The following NINJ2 variants were observed in gnomAD, a reference collection of about 807,000 sequenced individuals.
NINJ2 encodes ninjurin 2.
Under a neutral mutation model 11.7 loss-of-function variants are expected in NINJ2, and 12 were observed. That is an observed-to-expected ratio of 1.02 (90% CI 0.66 to 1.66). The LOEUF is 1.66. Ranked by LOEUF, NINJ2 falls within the 40% of genes most tolerant of loss-of-function variation. The pLI is 0.00. For missense variants in NINJ2, 187 were observed against 181.8 expected, an observed-to-expected ratio of 1.03 and a Z score of -0.16; for synonymous variants, 93 against 76.8, an observed-to-expected ratio of 1.21 and a Z score of -1.10.
At chr12:647,000 G>T (rs1233864723) in intron 1 of NINJ2, among the ~76,000 whole-genome samples, 1 of 152,158 alleles carries the variant, frequency 6.6e-6, no homozygotes, top group African/African-American at 2.4e-5. Flanking sequence ...AAGCTTGGAG[G>T]TGATGCTGCA....
intron 1 of NINJ2, among the ~76,000 whole-genome samples, chr12:629,255 T>C (rs1024791164): frequency 2.0e-5 from 3 of 152,158 alleles, no homozygotes; most frequent in African/African-American, 2.4e-5. Flanking sequence ...TCATTTTACA[T>C]GTGGGAAAAC....
At chr12:659,392 C>A (rs968985821) in intron 1 of NINJ2, among the ~76,000 whole-genome samples, 1 of 152,140 alleles carries the variant, frequency 6.6e-6, no homozygotes, top group East Asian at 1.9e-4. Context: ...TGGGAAGGAG[C>A]CAGGCTAGGG....
chr12:656,518 GGT>G (rs1937875271), intron 1 of NINJ2, among the ~76,000 whole-genome samples: 1 of 151,430 alleles, frequency 6.6e-6, no homozygotes, highest in African/African-American at 2.4e-5. Context: ...TGGGAGGTAG[GGT>G]CTGGTGGATC....
chr12:584,945 C>G (rs914887033), intron 1 of NINJ2, among the ~76,000 whole-genome samples: 1 of 152,022 alleles, frequency 6.6e-6, no homozygotes, highest in African/African-American at 2.4e-5. Context: ...GGTGAAACCC[C>G]GTCTCTACTA....
intron 1 of NINJ2, among the ~76,000 whole-genome samples, chr12:625,443 T>C (rs1040136912): frequency 2.6e-5 from 4 of 152,186 alleles, no homozygotes; most frequent in African/African-American, 9.7e-5. Context: ...CTGAAGGTTT[T>C]TGAGTAGAGT....
At chr12:643,535 C>T in intron 1 of NINJ2, 1 of 988,138 alleles carries the variant, frequency 1.0e-6, no homozygotes, top group Non-Finnish European at 1.2e-6. Context: ...CTTAATCCTC[C>T]CAAGACCTGT....
chr12:649,042 ATTTTATCTTT>A (rs1937743166), intron 1 of NINJ2, among the ~76,000 whole-genome samples: 1 of 95,968 alleles, frequency 1.0e-5, no homozygotes, highest in South Asian at 3.7e-4. Context: ...ATCTCAAGTG[ATTTTATCTTT>A]TTCTTTTTTT....
Position 591,515 on chromosome 12 carries a change from T to A in NINJ2, c.34-25337A>T, listed in dbSNP as rs779002898. On this transcript the variant is annotated intron_variant, in intron 1 of 3. Coordinates refer to ENST00000305108, the MANE Select transcript of NINJ2 (RefSeq NM_016533.6). This position sits in a 1 kb window ranked among gnomAD's most constrained non-coding sequence, Gnocchi z 5.0. ...AGTGCTGATTCACCTACTAGGTTGG[T>A]CAGAGGGTTGGGGGCAACTCTGATT... Among the ~76,000 whole-genome samples the A allele has an allele frequency of 6.6e-6, 1 of 152,132 alleles. No individual in the cohort carries two copies. The highest frequency in any genetic ancestry group is 1.5e-5 in the Non-Finnish European group (1 of 68,028).
At chr12:584,200 T>C (rs1468588194) in intron 1 of NINJ2, among the ~76,000 whole-genome samples, 1 of 152,198 alleles carries the variant, frequency 6.6e-6, no homozygotes, top group Non-Finnish European at 1.5e-5. Flanking sequence ...TAAATGGTCC[T>C]TATCATTTTC....
chr12:625,354 G>A (rs1427739179), intron 1 of NINJ2, among the ~76,000 whole-genome samples: 2 of 152,102 alleles, frequency 1.3e-5, no homozygotes, highest in Non-Finnish European at 2.9e-5. Context: ...AGTAGACAGA[G>A]AGAAGGTCAG....
chr12:589,421 A>C (rs181141767), intron 1 of NINJ2: 1 of 152,382 alleles, frequency 6.6e-6, no homozygotes, highest in Admixed American at 6.5e-5. Flanking sequence ...TCAATGCATT[A>C]GAATAAGCAC....
chr12:625,892 C>T (rs999583950), intron 1 of NINJ2, among the ~76,000 whole-genome samples: 2 of 152,180 alleles, frequency 1.3e-5, no homozygotes, highest in African/African-American at 4.8e-5. Context: ...GTGTCTAAAA[C>T]TGGAATCACC....
chr12:570,052 G>C (rs562716089), intron 1 of NINJ2, among the ~76,000 whole-genome samples: 1 of 152,350 alleles, frequency 6.6e-6, no homozygotes, highest in South Asian at 2.1e-4. Context: ...GGCCCAGGAC[G>C]GGAGCCTCGC....
At chr12:636,113 A>G (rs895019005) in intron 1 of NINJ2, among the ~76,000 whole-genome samples, 64 of 151,742 alleles carry the variant, frequency 4.2e-4, no homozygotes, top group African/African-American at 1.5e-3. Flanking sequence ...GTGGTGGCTT[A>G]CGCCTGTAAT....
chr12:609,032 G>A (rs909426590), intron 1 of NINJ2, among the ~76,000 whole-genome samples: 4 of 149,514 alleles, frequency 2.7e-5, no homozygotes, highest in African/African-American at 4.9e-5. Context: ...GGGGCTGTAC[G>A]CACGCACGGC....
rs1371723426 is a variant in NINJ2 at position 633,718 on chromosome 12, G to A, written c.33+29610C>T. ...TAGTCCCAGCTACTCAGGAGGCTGA[G>A]GCAGGAGAATCATTTGAACCCAGGA... On this transcript the variant is annotated intron_variant, in intron 1 of 3. Coordinates refer to ENST00000305108, the MANE Select transcript of NINJ2 (RefSeq NM_016533.6). The surrounding 1 kb of genome is among the most constrained non-coding windows in gnomAD (Gnocchi z 4.3). Among the ~76,000 whole-genome samples the A allele has an allele frequency of 2.6e-5, 4 of 152,152 alleles. No individual in the cohort carries two copies. Among genetic ancestry groups the A allele is most frequent in the Admixed American group, 2.6e-4 (4 of 15,282 alleles).
intron 1 of NINJ2, among the ~76,000 whole-genome samples, chr12:618,790 C>T (rs1305357143): frequency 6.6e-6 from 1 of 152,152 alleles, no homozygotes; most frequent in African/African-American, 2.4e-5. Context: ...ACTTGGTTAC[C>T]GGGAGCCCTT....
intron 1 of NINJ2, among the ~76,000 whole-genome samples, chr12:583,142 T>A (rs111729357): frequency 4.5e-5 from 5 of 110,656 alleles, no homozygotes; most frequent in Admixed American, 9.2e-5. Context: ...GGCATGCTAG[T>A]GTGAATGAAT....
chr12:620,204 A>G (rs1021511515), intron 1 of NINJ2, among the ~76,000 whole-genome samples: 4 of 152,268 alleles, frequency 2.6e-5, no homozygotes, highest in African/African-American at 9.6e-5. Flanking sequence ...GCTCGTGGGC[A>G]TCATGCCATG....
Sources: allele counts gnomAD v4.1 joint callset (sites outside exome capture counted in the v4.1 genomes callset), GRCh38; gene constraint gnomAD v4.1.1; non-coding constraint Gnocchi (gnomAD v3.1); transcripts MANE v1.5; gene names NCBI Gene and HGNC (gene_info 2026-07-23, HGNC 2026-07-21).